Variants in ABCC1 observed in about 807,000 individuals in gnomAD.
ABCC1 encodes the protein multidrug resistance-associated protein 1.
Under a neutral mutation model 172.9 loss-of-function variants are expected in ABCC1, and 83 were observed. The observed-to-expected ratio is 0.48, with a 90% CI of 0.40 to 0.58. The LOEUF is 0.58. Ranked by LOEUF, ABCC1 falls within the 20% of genes least tolerant of loss-of-function variation. The pLI, the probability that ABCC1 is intolerant of heterozygous loss-of-function variation, is 0.00. For missense variants in ABCC1, 1,817 were observed against 2,002.7 expected (o/e 0.91, Z 1.77); for synonymous variants, 937 against 825.2 (o/e 1.14, Z -2.32).
Position 16,114,822 on chromosome 16 carries a change from C to T in ABCC1, c.3136C>T (p.Arg1046Cys), listed in dbSNP as rs376107020. ...GTCCATCGGGGGGATCTTGGCTTCCCGCTGTCTGCACGTGGACCTGCTGCA... is the reference window on the plus strand; with the variant it reads ...GTCCATCGGGGGGATCTTGGCTTCCTGCTGTCTGCACGTGGACCTGCTGCA... ...AVSIGGILAS[R>C]CLHVDLLHSI... Residue 1046 changes from arginine (R) to cysteine (C), a missense_variant, in exon 23 of 31, where the codon CGC (arginine) becomes TGC (cysteine). By Grantham distance (180) the Arg-to-Cys change is radical (BLOSUM62 -3). Coordinates refer to ENST00000399410, the MANE Select transcript of ABCC1 (RefSeq NM_004996.4). 112 of 1,610,194 alleles carry T rather than the reference C, an allele frequency of 7.0e-5. No homozygotes were observed. Among genetic ancestry groups the T allele is most frequent in the Non-Finnish European group, 8.6e-5 (101 of 1,176,696 alleles).
chr16:16,076,151 C>T, intron 14 of ABCC1, 175 bp from the exon 15 acceptor site: 1 of 624,610 alleles, frequency 1.6e-6, no homozygotes, highest in East Asian at 3.1e-5. Flanking sequence ...GCCTCCAGAA[C>T]TGCAGGTTGA....
intron 7 of ABCC1, among the ~76,000 whole-genome samples, chr16:16,038,474 C>T (rs117498590): frequency 0.012 from 1,833 of 152,244 alleles, 23 homozygotes; most frequent in Non-Finnish European, 0.015. Context: ...ATCCTGGCTG[C>T]AGAAGAGAGA....
intron 1 of ABCC1, among the ~76,000 whole-genome samples, chr16:15,990,905 C>T (rs1024856671): frequency 2.6e-5 from 4 of 150,988 alleles, no homozygotes; most frequent in East Asian, 1.9e-4. Context: ...CCTTGTGATC[C>T]GCCTGCCTTG....
chr16:16,116,806 C>T (rs2044896182), intron 23 of ABCC1, among the ~76,000 whole-genome samples: 4 of 152,050 alleles, frequency 2.6e-5, no homozygotes, highest in South Asian at 2.1e-4. Context: ...GTGATCCGCC[C>T]GCCTCAGCCT....
chr16:16,095,859 A>C (rs2051452168), intron 19 of ABCC1, among the ~76,000 whole-genome samples: 1 of 152,136 alleles, frequency 6.6e-6, no homozygotes, highest in South Asian at 2.1e-4. Flanking sequence ...ACCTTGCTTG[A>C]ACCATCTGTT....
intron 14 of ABCC1, among the ~76,000 whole-genome samples, chr16:16,073,434 A>G (rs1048777355): frequency 6.6e-6 from 1 of 152,116 alleles, no homozygotes; most frequent in African/African-American, 2.4e-5. Flanking sequence ...TCTGAAGTTG[A>G]TTGCATGATT....
In ABCC1 at chr16:16,114,774, G is replaced by A. The variant is rs778463333; in HGVS notation, c.3088G>A (p.Val1030Met). Residue 1030 changes from valine (V) to methionine (M), a missense_variant, in exon 23 of 31, where the codon GTG becomes ATG. This residue lies in a region of ABCC1 where 1,412 missense variants were observed against 1,600.3 expected (regional missense o/e 0.88). Coordinates refer to ENST00000399410, the MANE Select transcript of ABCC1 (RefSeq NM_004996.4). ...ACTCCGAGTGTCTGCAGGGATCGCC[G>A]TGTTTGGCTACTCCATGGCCGTGTC... ...GALGISQGIA[V>M]FGYSMAVSIG... 18 of 1,595,490 alleles carry A rather than the reference G, an allele frequency of 1.1e-5. No individual in the cohort carries two copies. Among genetic ancestry groups the A allele is most frequent in the East Asian group, 4.5e-5 (2 of 44,412 alleles).
chr16:16,079,482 G>A lies in ABCC1; in HGVS notation c.2115+4G>A. 1.9e-6 allele frequency: 3 copies of A among 1,609,464 alleles called. No individual in the cohort carries two copies. Among genetic ancestry groups the A allele is most frequent in the Non-Finnish European group, 2.6e-6 (3 of 1,176,322 alleles). ...GGAGGGGCACGTGGCTATCAAGGTAGGATGAGGACCAGCGGGGAGGGGCAG... is the reference window on the plus strand; with the variant it reads ...GGAGGGGCACGTGGCTATCAAGGTAAGATGAGGACCAGCGGGGAGGGGCAG... On this transcript the variant is annotated splice_donor_region_variant and intron_variant, in intron 16 of 30. Transcript: ENST00000399410.
Position 16,114,819 on chromosome 16 carries a change from T to C in ABCC1, c.3133T>C (p.Ser1045Pro). ...MAVSIGGILA[S>P]RCLHVDLLHS... is the part of the protein sequence containing the mutation. ...CGTGTCCATCGGGGGGATCTTGGCT[T>C]CCCGCTGTCTGCACGTGGACCTGCT... The change falls in exon 23 of 31, where the codon TCC becomes CCC. Residue 1045 changes from serine (S) to proline (P), a missense_variant. By Grantham distance (74) the Ser-to-Pro change is moderately conservative. Transcript: ENST00000399410. The C allele has an allele frequency of 6.2e-7, 1 of 1,609,882 alleles. No individual in the cohort carries two copies. Among genetic ancestry groups the C allele is most frequent in the Non-Finnish European group, 8.5e-7 (1 of 1,176,414 alleles).
chr16:15,989,861 A>G (rs111619975), intron 1 of ABCC1, among the ~76,000 whole-genome samples: 13 of 152,136 alleles, frequency 8.5e-5, no homozygotes, highest in Admixed American at 2.6e-4. Flanking sequence ...GTGCTTAGAC[A>G]GGGCTCTGGT....
intron 1 of ABCC1, among the ~76,000 whole-genome samples, chr16:15,987,552 A>C (rs2046770152): frequency 1.3e-5 from 2 of 152,334 alleles, no homozygotes; most frequent in South Asian, 4.1e-4. Context: ...CTGTCCACAG[A>C]GTGCCAATAG....
Position 16,007,911 on chromosome 16 carries a change from CT to C in ABCC1, c.145del (p.Cys49ValfsTer19), listed in dbSNP as rs764056337. The stretch of plus-strand genomic sequence containing the variant: ...GGGTGCCTTGTTTTTACCTCTGGGC[CT>C]GTTTCCCCTTCTACTTCCTCTATCT... The part of the protein sequence containing the change: ...VWVPCFYLWA[C>X]FPFYFLYLSR... On this transcript the variant is annotated frameshift_variant, in exon 2 of 31. Coordinates refer to ENST00000399410, the MANE Select transcript of ABCC1 (RefSeq NM_004996.4). LOFTEE classifies it high-confidence loss of function. The C allele has an allele frequency of 6.2e-7, 1 of 1,613,220 alleles. No individual in the cohort carries two copies. The highest frequency in any genetic ancestry group is 8.5e-7 in the Non-Finnish European group (1 of 1,179,834).
rs2046146394 is a variant in ABCC1, at chr16:16,142,129, T to C, written c.*848T>C. 1 of 126,372 alleles carries C rather than the reference T, an allele frequency of 7.9e-6. No homozygotes were observed. Among genetic ancestry groups the C allele is most frequent in the Admixed American group, 9.3e-5 (1 of 10,796 alleles). 7.8% of individuals were successfully genotyped at this position (126,372 alleles called of 1,614,324 possible). A position where few individuals can be genotyped will look rare whatever the true frequency, so the allele number is the denominator to read the frequency against. On this transcript the variant is annotated 3_prime_UTR_variant, in exon 31 of 31. Coordinates refer to ENST00000399410, the MANE Select transcript of ABCC1 (RefSeq NM_004996.4). ...CTTTTGTTCAACATTGTAAGAACAA[T>C]CAATGCTGTTATTACTGTTCCCACC...
At chr16:15,963,061 T>C (rs887417829) in intron 1 of ABCC1, among the ~76,000 whole-genome samples, 1 of 152,234 alleles carries the variant, frequency 6.6e-6, no homozygotes, top group African/African-American at 2.4e-5. Context: ...GGTACAGGCA[T>C]TGGATAAATA....
chr16:16,091,058 G>A (rs1224976422), intron 19 of ABCC1, among the ~76,000 whole-genome samples: 3 of 152,028 alleles, frequency 2.0e-5, no homozygotes, highest in Non-Finnish European at 2.9e-5. Flanking sequence ...ATCCCCGGCC[G>A]CTCATCTCCC....
intron 14 of ABCC1, 75 bp from the exon 15 acceptor site, chr16:16,076,251 C>A: frequency 7.0e-7 from 1 of 1,437,118 alleles, no homozygotes; most frequent in Non-Finnish European, 9.7e-7. Context: ...ACCATTCAAG[C>A]AGAGAAAGAG....
chr16:16,096,649 A>T (rs1217031934), intron 19 of ABCC1, among the ~76,000 whole-genome samples: 1 of 152,138 alleles, frequency 6.6e-6, no homozygotes, highest in Non-Finnish European at 1.5e-5. Context: ...GTTGACTATA[A>T]AGCTGTGAGT....
At chr16:16,044,423 C>A in intron 7 of ABCC1, 27 bp from the exon 8 acceptor site, 2 of 1,602,476 alleles carry the variant, frequency 1.2e-6, no homozygotes, top group Non-Finnish European at 1.7e-6. Context: ...GCAGACCCCA[C>A]AACGGCTTCA....
chr16:16,051,788 A>G (rs2049440219), intron 10 of ABCC1, among the ~76,000 whole-genome samples: 1 of 152,182 alleles, frequency 6.6e-6, no homozygotes, highest in Non-Finnish European at 1.5e-5. Context: ...GTTGAGGCAC[A>G]CTGAGCTACT....
Sources: gnomAD v4.1 joint callset for allele counts (sites outside exome capture counted in the v4.1 genomes callset) on GRCh38, gnomAD v4.1.1 for gene constraint, gnomAD v4.1.1 regional missense constraint, MANE v1.5 for transcripts, NCBI Gene and HGNC (gene_info 2026-07-23, HGNC 2026-07-21) for gene names.